Variants in PLEKHA5 observed in about 807,000 individuals in gnomAD.
PLEKHA5 encodes pleckstrin homology domain containing A5.
Under a neutral mutation model 181.9 loss-of-function variants are expected in PLEKHA5, and 55 were observed. The observed-to-expected ratio is 0.30, with a 90% CI of 0.24 to 0.38. PLEKHA5 has a LOEUF of 0.38. Among genes scored for constraint, PLEKHA5 ranks in the 10% least tolerant of loss-of-function variants. The pLI is 1.00. For synonymous variants in PLEKHA5, 535 were observed against 529.4 expected (o/e 1.01, Z -0.15); for missense variants, 1,432 against 1,549.5 (o/e 0.92, Z 1.27).
intron 3 of PLEKHA5, among the ~76,000 whole-genome samples, chr12:19,210,441 C>T (rs111739576): frequency 1.1e-4 from 16 of 152,154 alleles, no homozygotes; most frequent in South Asian, 2.1e-4. Context: ...GAATGATTTC[C>T]GGTGGAAGAG....
At chr12:19,166,404 C>G (rs1488367874) in intron 3 of PLEKHA5, among the ~76,000 whole-genome samples, 6 of 152,112 alleles carry the variant, frequency 3.9e-5, no homozygotes, top group Non-Finnish European at 7.4e-5. Flanking sequence ...ACCTCGTTAT[C>G]CCTGCTTTTG....
At chr12:19,287,029 G>A (rs76507417) in intron 12 of PLEKHA5, among the ~76,000 whole-genome samples, 9,249 of 151,162 alleles carry the variant, frequency 0.061, 469 homozygotes, top group East Asian at 0.19. Context: ...ATGGAGCCTC[G>A]CTCTGTTGCC....
At chr12:19,297,418 C>T (rs1217399635) in intron 15 of PLEKHA5, among the ~76,000 whole-genome samples, 2 of 149,478 alleles carry the variant, frequency 1.3e-5, no homozygotes, top group African/African-American at 2.5e-5. Flanking sequence ...GTCAGGAGAT[C>T]GAGACCATCC....
In PLEKHA5 at chr12:19,354,183, G is replaced by A. The variant is rs1448187265; in HGVS notation, c.3138+181G>A. On this transcript the variant is annotated intron_variant, in intron 26 of 31. Coordinates refer to ENST00000429027, the MANE Select transcript of PLEKHA5 (RefSeq NM_001256470.2). Reference sequence around the variant, plus strand: ...TTTTTTTTTTTTGAGACGGAGTCTCGCTCTGTCGCCCAGGCTGGAGTGCTG... The same window carrying A: ...TTTTTTTTTTTTGAGACGGAGTCTCACTCTGTCGCCCAGGCTGGAGTGCTG... Among the ~76,000 whole-genome samples, 10 of 97,258 alleles carry A rather than the reference G, an allele frequency of 1.0e-4. No individual in the cohort carries two copies. In the South Asian group the frequency reaches 2.4e-3, roughly 23 times the overall value. 63.8% of individuals were successfully genotyped at this position (97,258 alleles called of 152,430 possible).
chr12:19,309,190 A>T (rs2085421185), intron 15 of PLEKHA5, among the ~76,000 whole-genome samples: 1 of 152,154 alleles, frequency 6.6e-6, no homozygotes, highest in African/African-American at 2.4e-5. Context: ...TTAGGGTTTA[A>T]TTACAGAAAC....
intron 3 of PLEKHA5, among the ~76,000 whole-genome samples, chr12:19,170,602 TAG>T (rs1276084049): frequency 6.6e-6 from 1 of 152,186 alleles, no homozygotes; most frequent in Non-Finnish European, 1.5e-5. Context: ...GTATTTTTAG[TAG>T]AGACGAGGTT....
rs754955089 is a variant in PLEKHA5, at chr12:19,348,359, T to G, written c.2899-40T>G. On this transcript the variant is annotated intron_variant, in intron 24 of 31. Transcript: ENST00000429027. ...GCAGTAAACATTTTAAAAGAAACTT[T>G]TAGCAGTTTTTTAGGGTAATTACAT... The G allele has an allele frequency of 2.3e-5, 35 of 1,501,980 alleles. No homozygotes were observed. The Middle Eastern group carries it at 5.2e-4, about 22-fold the overall frequency. The allele number at this position is 1,501,980 out of a possible 1,614,324, so 93.0% of individuals were successfully genotyped here.
At position 19,306,664 on chromosome 12, in the gene PLEKHA5, C is replaced by G. The variant is rs2083815921; in HGVS notation, c.2038-8150C>G. The G allele has an allele frequency of 8.3e-6, 12 of 1,453,080 alleles. No individual in the cohort carries two copies. The South Asian group carries it at 1.3e-4, about 15-fold the overall frequency. The allele number at this position is 1,453,080 out of a possible 1,614,324, so 90.0% of individuals were successfully genotyped here. A position where few individuals can be genotyped will look rare whatever the true frequency, so the allele number is the denominator to read the frequency against. On this transcript the variant is annotated intron_variant, in intron 15 of 31. Transcript: ENST00000429027. ...TCGAGGTAATAGGTGACTGATCTCC[C>G]CGGGCGCTAGCTCTGAGCAGATGCG... is the stretch of plus-strand genomic sequence containing the variant.
intron 21 of PLEKHA5, among the ~76,000 whole-genome samples, chr12:19,342,898 C>T (rs1198319472): frequency 6.6e-6 from 1 of 152,218 alleles, no homozygotes; most frequent in South Asian, 2.1e-4. Context: ...AGTTAGTACA[C>T]CTTCCATTTC....
intron 3 of PLEKHA5, among the ~76,000 whole-genome samples, chr12:19,253,342 T>C (rs2065928394): frequency 6.6e-6 from 1 of 151,580 alleles, no homozygotes; most frequent in African/African-American, 2.4e-5. Context: ...TCCAAAATGC[T>C]GGGATTACAG....
chr12:19,131,285 G>C (rs1439550515), intron 2 of PLEKHA5, among the ~76,000 whole-genome samples: 1 of 152,178 alleles, frequency 6.6e-6, no homozygotes, highest in Admixed American at 6.5e-5. Flanking sequence ...CTGCCTCTCT[G>C]TGAAATGCTG....
At chr12:19,370,083 A>G (rs377590669) in intron 31 of PLEKHA5, among the ~76,000 whole-genome samples, 30 of 152,386 alleles carry the variant, frequency 2.0e-4, no homozygotes, top group African/African-American at 7.2e-4. Context: ...AGTGTTGTGC[A>G]GCTGTGCTTC....
chr12:19,161,643 A>G (rs1234721152), intron 3 of PLEKHA5, among the ~76,000 whole-genome samples: 4 of 152,322 alleles, frequency 2.6e-5, no homozygotes, highest in East Asian at 3.9e-4. Flanking sequence ...TAATGATAAA[A>G]TTTTGCTCAA....
chr12:19,265,817 T>C lies in PLEKHA5; in HGVS notation c.678T>C (p.Ser226=). Reference sequence around the variant, plus strand: ...GTTTTCAGATAGCTTTGCTTACCTCTGAAGATCACATTAATCGCAAATATG... The same window carrying C: ...GTTTTCAGATAGCTTTGCTTACCTCCGAAGATCACATTAATCGCAAATATG... The part of the protein sequence containing the change: ...LPSFQIALLT[S]EDHINRKYAF... Residue 226 remains serine (S), a synonymous_variant, in exon 8 of 32, where the codon TCT becomes TCC. Transcript: ENST00000429027. 6.2e-7 allele frequency: 1 copy of C among 1,602,508 alleles called. No individual in the cohort carries two copies. The highest frequency in any genetic ancestry group is 8.5e-7 in the Non-Finnish European group (1 of 1,170,574).
chr12:19,155,370 G>A (rs1347036502), intron 3 of PLEKHA5, among the ~76,000 whole-genome samples: 2 of 152,182 alleles, frequency 1.3e-5, no homozygotes, highest in Non-Finnish European at 2.9e-5. Flanking sequence ...GAAGGAGCCT[G>A]CTGGGAATGG....
intron 21 of PLEKHA5, among the ~76,000 whole-genome samples, chr12:19,338,439 G>A (rs1205525261): frequency 2.0e-5 from 3 of 151,992 alleles, no homozygotes; most frequent in African/African-American, 7.2e-5. Context: ...GGCCAACGCA[G>A]TGAAACCCCA....
chr12:19,141,530 A>G (rs2037293029), intron 3 of PLEKHA5, among the ~76,000 whole-genome samples: 1 of 152,246 alleles, frequency 6.6e-6, no homozygotes, highest in African/African-American at 2.4e-5. Flanking sequence ...AAGGCCAGGG[A>G]GACCTGAGCA....
At chr12:19,220,754 A>C (rs2058821075) in intron 3 of PLEKHA5, among the ~76,000 whole-genome samples, 1 of 152,198 alleles carries the variant, frequency 6.6e-6, no homozygotes. Flanking sequence ...TTGTCTAGCA[A>C]ATTATGTGAA....
intron 21 of PLEKHA5, among the ~76,000 whole-genome samples, chr12:19,341,357 C>T (rs1420918677): frequency 1.3e-5 from 2 of 152,080 alleles, no homozygotes; most frequent in Admixed American, 1.3e-4. Flanking sequence ...ATTAGATTTG[C>T]ATTGTATACC....
Sources: allele counts gnomAD v4.1 joint callset (sites outside exome capture counted in the v4.1 genomes callset), GRCh38; gene constraint gnomAD v4.1.1; transcripts MANE v1.5; gene names NCBI Gene and HGNC (gene_info 2026-07-23, HGNC 2026-07-21).